LRP1B: variants seen among roughly 807,000 people sequenced by gnomAD.
LRP1B encodes the protein LDL receptor related protein 1B.
In LRP1B, 217 loss-of-function variants were observed where a neutral mutation model predicts 556.6. The ratio of observed to expected loss-of-function variants is 0.39; its 90% CI spans 0.35 to 0.44. LRP1B has a LOEUF of 0.44. Among genes scored for constraint, LRP1B ranks in the 20% least tolerant of loss-of-function variants. The pLI, the probability that LRP1B is intolerant of heterozygous loss-of-function variation, is 1.00. For missense variants in LRP1B, 5,053 were observed against 5,620.8 expected (o/e 0.90, Z 3.23); for synonymous variants, 2,047 against 1,865.8 (o/e 1.10, Z -2.50).
intron 63 of LRP1B, among the ~76,000 whole-genome samples, chr2:140,449,659 G>A (rs1686806445): frequency 6.6e-6 from 1 of 152,056 alleles, no homozygotes. Flanking sequence ...CCAGAGAGAT[G>A]GAATACAGCC....
chr2:142,065,031 G>GA (rs1238773700), intron 1 of LRP1B, among the ~76,000 whole-genome samples: 1 of 151,460 alleles, frequency 6.6e-6, no homozygotes, highest in Admixed American at 6.6e-5. Context: ...ACTAGCAGCA[G>GA]AAAGAGTAAT....
rs1680446526 is a variant in LRP1B, at chr2:140,325,898, A to G, written c.12224-20T>C. 3 of 1,406,182 alleles carry G rather than the reference A, an allele frequency of 2.1e-6. No homozygotes were observed. The highest frequency in any genetic ancestry group is 3.0e-6 in the Non-Finnish European group (3 of 994,190). 87.1% of individuals were successfully genotyped at this position (1,406,182 alleles called of 1,614,324 possible). On this transcript the variant is annotated intron_variant, in intron 79 of 90. Transcript: ENST00000389484. The stretch of plus-strand genomic sequence containing the variant: ...CCAAACCTGCAAAATCAACACACAC[A>G]AGACAAATAGTGCAAGTAAATTTGA...
At position 140,751,284 on chromosome 2, in the gene LRP1B, C is replaced by T. The variant is rs887127419; in HGVS notation, c.5758+17929G>A. On this transcript the variant is annotated intron_variant, in intron 35 of 90. Transcript: ENST00000389484. Reference sequence around the variant, plus strand: ...CTGGGATTACAGGCATGAGCCACCACGCATGGCCTCAGTTATAACTTTTTA... The same window carrying T: ...CTGGGATTACAGGCATGAGCCACCATGCATGGCCTCAGTTATAACTTTTTA... Among the ~76,000 whole-genome samples the T allele has an allele frequency of 6.6e-5, 10 of 152,200 alleles. No homozygotes were observed. In the East Asian group the frequency reaches 1.7e-3, roughly 27 times the overall value.
At chr2:140,352,237 G>A (rs35540108) in intron 76 of LRP1B, among the ~76,000 whole-genome samples, 10,868 of 151,972 alleles carry the variant, frequency 0.072, 423 homozygotes, top group Middle Eastern at 0.13. Flanking sequence ...GTTCAGTGGC[G>A]CAATCCTGGC....
intron 2 of LRP1B, among the ~76,000 whole-genome samples, chr2:141,495,922 G>A (rs931630996): frequency 6.6e-6 from 1 of 151,952 alleles, no homozygotes; most frequent in Non-Finnish European, 1.5e-5. Context: ...TGACAGCAAT[G>A]GTAGAATAGC....
intron 43 of LRP1B, among the ~76,000 whole-genome samples, chr2:140,578,211 A>C (rs757845236): frequency 6.6e-6 from 1 of 152,122 alleles, no homozygotes; most frequent in Non-Finnish European, 1.5e-5. Flanking sequence ...TGTGATTTTG[A>C]CTTTTCTTTT....
intron 2 of LRP1B, among the ~76,000 whole-genome samples, chr2:141,781,318 A>G (rs576797614): frequency 6.6e-6 from 1 of 152,312 alleles, no homozygotes; most frequent in South Asian, 2.1e-4. Flanking sequence ...ATGATGTCAA[A>G]ATTATTAAAC....
At chr2:140,828,408 G>A (rs1023530041) in intron 31 of LRP1B, among the ~76,000 whole-genome samples, 2 of 149,774 alleles carry the variant, frequency 1.3e-5, no homozygotes, top group African/African-American at 4.9e-5. Context: ...AGGAGATCGA[G>A]ACCATCCTGG....
chr2:140,537,494 G>T (rs1482145917), intron 45 of LRP1B, among the ~76,000 whole-genome samples: 3 of 151,920 alleles, frequency 2.0e-5, no homozygotes, highest in African/African-American at 7.3e-5. Flanking sequence ...GGAAATATTA[G>T]AATTGTTAAA....
chr2:140,566,570 C>T (rs1208702218), intron 43 of LRP1B, among the ~76,000 whole-genome samples: 1 of 152,074 alleles, frequency 6.6e-6, no homozygotes, highest in South Asian at 2.1e-4. Flanking sequence ...TGAGATTTGC[C>T]CCATGGTATT....
chr2:141,141,076 G>C (rs1438491080), intron 7 of LRP1B, among the ~76,000 whole-genome samples: 1 of 151,858 alleles, frequency 6.6e-6, no homozygotes, highest in Admixed American at 6.6e-5. Context: ...AATAGAAATG[G>C]GCATTAAGTT....
intron 84 of LRP1B, among the ~76,000 whole-genome samples, chr2:140,285,134 T>A (rs1226781093): frequency 6.7e-6 from 1 of 149,686 alleles, no homozygotes; most frequent in Non-Finnish European, 1.5e-5. Flanking sequence ...TATATGTGTG[T>A]GTGTAGATAC....
intron 1 of LRP1B, among the ~76,000 whole-genome samples, chr2:141,898,861 C>T (rs1249580625): frequency 6.6e-6 from 1 of 152,056 alleles, no homozygotes; most frequent in Non-Finnish European, 1.5e-5. Flanking sequence ...CCAGGTGAGG[C>T]ACAGCATGGA....
intron 7 of LRP1B, among the ~76,000 whole-genome samples, chr2:141,096,645 A>AGGGG (rs1700321548): frequency 2.0e-5 from 2 of 99,616 alleles, no homozygotes; most frequent in African/African-American, 7.3e-5. Context: ...AGAGAGAGAG[A>AGGGG]GAGAGAGAGA....
intron 2 of LRP1B, among the ~76,000 whole-genome samples, chr2:141,736,308 T>A (rs904992098): frequency 6.6e-6 from 1 of 152,148 alleles, no homozygotes; most frequent in Non-Finnish European, 1.5e-5. Context: ...ACAAGACATG[T>A]TGAAGTCTGA....
chr2:140,816,721 A>G (rs2105044411), intron 31 of LRP1B, among the ~76,000 whole-genome samples: 1 of 152,230 alleles, frequency 6.6e-6, no homozygotes, highest in South Asian at 2.1e-4. Context: ...AGGTTCATAA[A>G]ATAGAATTGC....
At chr2:141,241,127 T>C (rs1034607757) in intron 5 of LRP1B, among the ~76,000 whole-genome samples, 27 of 152,240 alleles carry the variant, frequency 1.8e-4, no homozygotes, top group East Asian at 5.8e-4. Context: ...AAAAAGTGTG[T>C]TGTATCATTT....
chr2:141,115,105 G>A (rs1700854907), intron 7 of LRP1B, among the ~76,000 whole-genome samples: 1 of 151,596 alleles, frequency 6.6e-6, no homozygotes. Flanking sequence ...CAAAATTATA[G>A]TATGGTCATA....
At chr2:141,718,499 T>C (rs1189379026) in intron 2 of LRP1B, among the ~76,000 whole-genome samples, 2 of 152,168 alleles carry the variant, frequency 1.3e-5, no homozygotes, top group Admixed American at 6.5e-5. Context: ...GCCTGTAATA[T>C]TTAAAAAACA....
Sources: allele counts gnomAD v4.1 joint callset (sites outside exome capture counted in the v4.1 genomes callset), GRCh38; gene constraint gnomAD v4.1.1; transcripts MANE v1.5; gene names NCBI Gene and HGNC (gene_info 2026-07-23, HGNC 2026-07-21).